ELMO1: variants seen among roughly 807,000 people sequenced by gnomAD.
ELMO1 encodes engulfment and cell motility 1, also known as engulfment and cell motility protein 1.
In ELMO1, 26 loss-of-function variants were observed where a neutral mutation model predicts 98.9. That is an observed-to-expected ratio of 0.26 (90% CI 0.19 to 0.36). The LOEUF (loss-of-function observed/expected upper bound fraction) is 0.36, where lower values mean the gene tolerates loss of function less well. Among genes scored for constraint, ELMO1 ranks in the 10% least tolerant of loss-of-function variants. The probability of loss-of-function intolerance (pLI) is 1.00; values close to 1 mark genes in which losing one functional copy is unlikely to be tolerated. For synonymous variants in ELMO1, 346 were observed against 346.0 expected (o/e 1.00, Z 0.00); for missense variants, 627 against 935.2 (o/e 0.67, Z 4.30).
At chr7:37,294,625 A>T (rs1040902745) in intron 4 of ELMO1, among the ~76,000 whole-genome samples, 1 of 152,214 alleles carries the variant, frequency 6.6e-6, no homozygotes, top group Non-Finnish European at 1.5e-5. Flanking sequence ...TCTTTGTGAT[A>T]CCAAAATTGA....
chr7:37,049,142 CT>C (rs1406431108), intron 15 of ELMO1, among the ~76,000 whole-genome samples: 4 of 152,140 alleles, frequency 2.6e-5, no homozygotes, highest in Non-Finnish European at 4.4e-5. Flanking sequence ...TAATGTTTGT[CT>C]TGTTAAGGGA....
intron 8 of ELMO1, 49 bp downstream of exon 8, chr7:37,233,046 T>C: frequency 6.1e-6 from 9 of 1,473,272 alleles, no homozygotes; most frequent in Non-Finnish European, 8.4e-6. Context: ...GAAAAATAGC[T>C]ATGACAGAAG....
At chr7:37,434,137 G>A (rs1409068853) in intron 1 of ELMO1, among the ~76,000 whole-genome samples, 1 of 152,176 alleles carries the variant, frequency 6.6e-6, no homozygotes, top group Non-Finnish European at 1.5e-5. Flanking sequence ...CCCAGTATTG[G>A]GAGAACAGAT....
At chr7:37,292,946 G>A (rs1485158790) in intron 4 of ELMO1, among the ~76,000 whole-genome samples, 1 of 50,146 alleles carries the variant, frequency 2.0e-5, no homozygotes, top group South Asian at 9.4e-4. Flanking sequence ...CTGGCCAGCC[G>A]CCCCGTCCGG....
At chr7:37,364,406 C>G (rs1281235755) in intron 1 of ELMO1, among the ~76,000 whole-genome samples, 1 of 152,322 alleles carries the variant, frequency 6.6e-6, no homozygotes, top group South Asian at 2.1e-4. Context: ...TATTCTTAAA[C>G]TAGAGATCTC....
intron 6 of ELMO1, among the ~76,000 whole-genome samples, chr7:37,258,161 G>A (rs1334653368): frequency 2.0e-5 from 3 of 152,040 alleles, no homozygotes; most frequent in South Asian, 2.1e-4. Context: ...CTAGCTACTC[G>A]GGAGCCTGAG....
chr7:37,141,464 A>G (rs1486073074), intron 13 of ELMO1, among the ~76,000 whole-genome samples: 1 of 152,174 alleles, frequency 6.6e-6, no homozygotes, highest in East Asian at 1.9e-4. Flanking sequence ...AATCATCACT[A>G]AAGAACTTAT....
chr7:37,239,575 T>C (rs1385331453), intron 7 of ELMO1, among the ~76,000 whole-genome samples: 1 of 152,210 alleles, frequency 6.6e-6, no homozygotes, highest in Non-Finnish European at 1.5e-5. Flanking sequence ...GACTAAGTTA[T>C]GAGAACAGAG....
At position 37,402,383 on chromosome 7, in the gene ELMO1, GA is replaced by G. The variant is rs576363025; in HGVS notation, c.-74+46291del. ...CATTTGGGGTCAGTAAAACATCAGA[GA>G]AAATCTGCTGGGTTTTTCGTGGGGT... On this transcript the variant is annotated intron_variant, in intron 1 of 21. Transcript: ENST00000310758. Among the ~76,000 whole-genome samples the G allele has an allele frequency of 1.1e-4, 17 of 152,286 alleles. No individual in the cohort carries two copies. The East Asian group carries it at 2.7e-3, about 24-fold the overall frequency.
At chr7:36,912,880 T>C (rs1339965321) in intron 16 of ELMO1, among the ~76,000 whole-genome samples, 3 of 152,234 alleles carry the variant, frequency 2.0e-5, no homozygotes, top group Non-Finnish European at 4.4e-5. Flanking sequence ...GCACAGTATA[T>C]GCTCAATAAA....
chr7:36,972,735 C>T (rs766444333), intron 16 of ELMO1, among the ~76,000 whole-genome samples: 9 of 152,128 alleles, frequency 5.9e-5, no homozygotes, highest in Non-Finnish European at 1.0e-4. Flanking sequence ...AGGGAACTTT[C>T]GGAGGTTAGG....
At chr7:37,036,179 G>T (rs543008122) in intron 15 of ELMO1, among the ~76,000 whole-genome samples, 1 of 151,464 alleles carries the variant, frequency 6.6e-6, no homozygotes, top group South Asian at 2.1e-4. Context: ...TCAAATTGTC[G>T]CAAATCTCTA....
At chr7:37,236,267 T>C (rs1376021242) in intron 7 of ELMO1, among the ~76,000 whole-genome samples, 1 of 152,176 alleles carries the variant, frequency 6.6e-6, no homozygotes, top group Non-Finnish European at 1.5e-5. Context: ...AGAAAAAGTA[T>C]CATTTGGTTT....
intron 1 of ELMO1, among the ~76,000 whole-genome samples, chr7:37,357,170 G>T (rs1389102916): frequency 3.9e-5 from 6 of 152,138 alleles, no homozygotes; most frequent in African/African-American, 1.4e-4. Flanking sequence ...GGGGCTTTGG[G>T]TCTTTGTTTC....
At chr7:37,253,297 G>C (rs962425685) in intron 6 of ELMO1, among the ~76,000 whole-genome samples, 1 of 152,120 alleles carries the variant, frequency 6.6e-6, no homozygotes, top group African/African-American at 2.4e-5. Context: ...TTGCAGCACT[G>C]TGCACAATAG....
intron 1 of ELMO1, among the ~76,000 whole-genome samples, chr7:37,414,303 T>G (rs1355970287): frequency 6.6e-6 from 1 of 152,168 alleles, no homozygotes; most frequent in Admixed American, 6.5e-5. Flanking sequence ...TGCTGGAAAA[T>G]CTTTCTATGT....
chr7:37,365,789 A>G (rs1010887933), intron 1 of ELMO1, among the ~76,000 whole-genome samples: 1 of 152,204 alleles, frequency 6.6e-6, no homozygotes, highest in Admixed American at 6.5e-5. Context: ...TACTTTTTCG[A>G]GGCAGAGACA....
intron 2 of ELMO1, among the ~76,000 whole-genome samples, chr7:37,330,226 C>A (rs78692830): frequency 6.6e-6 from 1 of 152,184 alleles, no homozygotes; most frequent in Non-Finnish European, 1.5e-5. Flanking sequence ...ATTAGTGGAA[C>A]TGCCAATTAG....
intron 1 of ELMO1, among the ~76,000 whole-genome samples, chr7:37,420,469 G>A (rs1031290575): frequency 9.2e-5 from 14 of 152,214 alleles, no homozygotes; most frequent in South Asian, 4.1e-4. Context: ...TCCACAAAAT[G>A]TGGATGGATC....
Sources: gnomAD v4.1 joint callset for allele counts (sites outside exome capture counted in the v4.1 genomes callset) on GRCh38, gnomAD v4.1.1 for gene constraint, MANE v1.5 for transcripts, NCBI Gene and HGNC (gene_info 2026-07-23, HGNC 2026-07-21) for gene names.